Variants in WLS observed in about 807,000 individuals in gnomAD.
The protein encoded by WLS is protein wntless homolog.
A neutral mutation model predicts 62.8 loss-of-function variants in WLS; 23 were observed. The observed-to-expected ratio is 0.37, with a 90% CI of 0.26 to 0.52. The LOEUF is 0.52. Among genes scored for constraint, WLS ranks in the 20% least tolerant of loss-of-function variants. The pLI is 0.92. For missense variants in WLS, 615 were observed against 697.3 expected, an observed-to-expected ratio of 0.88 and a Z score of 1.33; for synonymous variants, 246 against 244.1, an observed-to-expected ratio of 1.01 and a Z score of -0.07.
At chr1:68,224,491 C>T (rs1650058100) in intron 1 of WLS, among the ~76,000 whole-genome samples, 1 of 152,196 alleles carries the variant, frequency 6.6e-6, no homozygotes, top group African/African-American at 2.4e-5. Flanking sequence ...ATCCAGGGAA[C>T]ATTCAGAGGG....
chr1:68,107,628 A>AG (rs796270151), intron 11 of WLS, among the ~76,000 whole-genome samples: 1 of 152,206 alleles, frequency 6.6e-6, no homozygotes, highest in Admixed American at 6.5e-5. Context: ...CTGAGAGAGA[A>AG]GGGGGAAAAA....
At chr1:68,169,788 G>C (rs994415493) in intron 2 of WLS, among the ~76,000 whole-genome samples, 3 of 152,198 alleles carry the variant, frequency 2.0e-5, no homozygotes, top group Non-Finnish European at 2.9e-5. Context: ...TCTTCAGTGT[G>C]ATATTAAGAC....
At chr1:68,151,882 T>A (rs1646831311) in intron 5 of WLS, among the ~76,000 whole-genome samples, 1 of 152,140 alleles carries the variant, frequency 6.6e-6, no homozygotes, top group Non-Finnish European at 1.5e-5. Flanking sequence ...AAGGGGGCAC[T>A]CCTGGCTATC....
At chr1:68,193,790 A>T in intron 2 of WLS, 165 bp downstream of exon 2, 1 of 869,052 alleles carries the variant, frequency 1.2e-6, no homozygotes, top group Non-Finnish European at 1.7e-6. Context: ...TGGGAAGATT[A>T]AATGGGTTAA....
At chr1:68,162,884 G>A (rs1570925811) in intron 2 of WLS, 4 of 1,524,924 alleles carry the variant, frequency 2.6e-6, no homozygotes, top group South Asian at 2.2e-5. Context: ...GAACCTTCTC[G>A]TGGATTTCCT....
At chr1:68,118,506 C>T (rs1268248023) in intron 11 of WLS, among the ~76,000 whole-genome samples, 1 of 152,142 alleles carries the variant, frequency 6.6e-6, no homozygotes, top group Non-Finnish European at 1.5e-5. Context: ...TCCTCCCTCC[C>T]GCCTTCCTTT....
chr1:68,112,887 A>G (rs1646246161), intron 11 of WLS, among the ~76,000 whole-genome samples: 1 of 152,236 alleles, frequency 6.6e-6, no homozygotes, highest in Non-Finnish European at 1.5e-5. Flanking sequence ...GGACCAAAAC[A>G]AACAGACAAA....
chr1:68,208,061 T>C (rs966713291), intron 1 of WLS, among the ~76,000 whole-genome samples: 2 of 152,224 alleles, frequency 1.3e-5, no homozygotes, highest in African/African-American at 4.8e-5. Flanking sequence ...ACAGCCCCAA[T>C]ACCAGAGATG....
chr1:68,195,328 C>A (rs1203116469), intron 1 of WLS, among the ~76,000 whole-genome samples: 4 of 152,122 alleles, frequency 2.6e-5, no homozygotes, highest in Non-Finnish European at 5.9e-5. Flanking sequence ...AATTACTAAG[C>A]CTATCTCTGT....
At chr1:68,197,802 A>T (rs961916321) in intron 1 of WLS, among the ~76,000 whole-genome samples, 9 of 152,218 alleles carry the variant, frequency 5.9e-5, no homozygotes, top group African/African-American at 1.7e-4. Flanking sequence ...AATCAAAAAA[A>T]GTTTGATCTG....
chr1:68,162,553 C>A, intron 2 of WLS: 2 of 1,588,646 alleles, frequency 1.3e-6, no homozygotes, highest in Non-Finnish European at 1.7e-6. Flanking sequence ...CAGCATTTCC[C>A]CACGGATGCT....
At chr1:68,115,924 A>C (rs994205262) in intron 11 of WLS, among the ~76,000 whole-genome samples, 1 of 152,122 alleles carries the variant, frequency 6.6e-6, no homozygotes, top group Non-Finnish European at 1.5e-5. Context: ...TCCTGGCAGC[A>C]GTCGTTGGCA....
intron 1 of WLS, among the ~76,000 whole-genome samples, chr1:68,199,694 G>A (rs759433106): frequency 2.6e-5 from 4 of 152,090 alleles, no homozygotes; most frequent in Non-Finnish European, 4.4e-5. Context: ...CATCCCTGCT[G>A]TACTCTATAG....
intron 2 of WLS, among the ~76,000 whole-genome samples, chr1:68,180,736 T>C (rs1024117304): frequency 2.0e-5 from 3 of 152,122 alleles, no homozygotes; most frequent in Non-Finnish European, 4.4e-5. Context: ...ACTTTCTCTC[T>C]CAAACTGTCT....
At chr1:68,214,680 T>A (rs1387954683) in intron 1 of WLS, among the ~76,000 whole-genome samples, 1 of 152,214 alleles carries the variant, frequency 6.6e-6, no homozygotes, top group South Asian at 2.1e-4. Context: ...GAAGAAGGCA[T>A]AACAAGTGTA....
rs1200197288 is a variant in WLS at position 68,209,321 on chromosome 1, T to C, written c.107-15094A>G. 3.3e-5 allele frequency among the ~76,000 whole-genome samples: 5 copies of C among 152,236 alleles called. 1 individual carries two copies. Among genetic ancestry groups the C allele is most frequent in the African/African-American group, 1.2e-4 (5 of 41,466 alleles). Reference sequence around the variant, plus strand: ...TTTTCAGAGTTTCCAACTACAGAGATTCCAAGTTCTCAGCAATTCATAACC... The same window carrying C: ...TTTTCAGAGTTTCCAACTACAGAGACTCCAAGTTCTCAGCAATTCATAACC... On this transcript the variant is annotated intron_variant, in intron 1 of 11. Transcript: ENST00000262348.
At chr1:68,163,631 G>A (rs536222994) in intron 2 of WLS, among the ~76,000 whole-genome samples, 8 of 32,990 alleles carry the variant, frequency 2.4e-4, no homozygotes, top group African/African-American at 7.8e-4. Context: ...AAGTCTTAAT[G>A]AGGAAAAAAA....
intron 2 of WLS, chr1:68,162,866 C>T (rs1474731585): frequency 3.4e-6 from 5 of 1,489,932 alleles, no homozygotes; most frequent in Non-Finnish European, 3.7e-6. Context: ...GTACCCATGG[C>T]TTCGTTAGAA....
At chr1:68,134,220 C>G (rs192886393) in intron 11 of WLS, among the ~76,000 whole-genome samples, 12 of 152,280 alleles carry the variant, frequency 7.9e-5, no homozygotes, top group Middle Eastern at 3.4e-3. Context: ...TTGGCAAATG[C>G]TCCGTAATTC....
Sources: gnomAD v4.1 joint callset for allele counts (sites outside exome capture counted in the v4.1 genomes callset) on GRCh38, gnomAD v4.1.1 for gene constraint, MANE v1.5 for transcripts, NCBI Gene and HGNC (gene_info 2026-07-23, HGNC 2026-07-21) for gene names.